The following CRACD variants were observed in gnomAD, a reference collection of about 807,000 sequenced individuals.
CRACD encodes capping protein inhibiting regulator of actin dynamics.
A neutral mutation model predicts 106.8 loss-of-function variants in CRACD; 56 were observed. The ratio of observed to expected loss-of-function variants is 0.52; its 90% CI spans 0.42 to 0.66. The LOEUF is 0.66. Among genes scored for constraint, CRACD ranks in the 30% least tolerant of loss-of-function variants. CRACD has a pLI of 0.00. For synonymous variants in CRACD, 754 were observed against 670.8 expected (o/e 1.12, Z -1.92); for missense variants, 1,730 against 1,623.2 (o/e 1.07, Z -1.13).
intron 2 of CRACD, among the ~76,000 whole-genome samples, chr4:56,248,673 C>T: frequency 6.7e-6 from 1 of 149,984 alleles, no homozygotes; most frequent in Non-Finnish European, 1.5e-5. Flanking sequence ...GCGCTGCACC[C>T]ACTAACTCGT....
At chr4:56,060,683 C>T (rs1427279999) in intron 1 of CRACD, among the ~76,000 whole-genome samples, 1 of 151,994 alleles carries the variant, frequency 6.6e-6, no homozygotes, top group East Asian at 1.9e-4. Flanking sequence ...GTTTTTGTCT[C>T]CCCAAAATTC....
rs1745863426 is a variant in CRACD at position 56,318,928 on chromosome 4, G to A, written c.3187+2239G>A. Among the ~76,000 whole-genome samples, 3 of 152,188 alleles carry A rather than the reference G, an allele frequency of 2.0e-5. No homozygotes were observed. In the South Asian group the frequency reaches 6.2e-4, roughly 31 times the overall value. ...TAAATCTGCAATTGCAAGTCATGGT[G>A]CTATTTTTTATTCTCTTTGGCCAAC... On this transcript the variant is annotated intron_variant, in intron 8 of 10. Transcript: ENST00000682029.
intron 3 of CRACD, chr4:56,298,002 T>C (rs1577875392): frequency 4.3e-6 from 2 of 461,574 alleles, no homozygotes; most frequent in African/African-American, 3.9e-5. Context: ...TCACGGTGAA[T>C]GGCTCTGAAC....
intron 1 of CRACD, among the ~76,000 whole-genome samples, chr4:56,129,694 G>A (rs977953783): frequency 6.6e-6 from 1 of 152,178 alleles, no homozygotes; most frequent in Admixed American, 6.5e-5. Context: ...ACTGTGCCCG[G>A]CACTAGGGAT....
chr4:56,098,523 TGTAAGA>T (rs1733669802), intron 1 of CRACD, among the ~76,000 whole-genome samples: 1 of 152,014 alleles, frequency 6.6e-6, no homozygotes, highest in African/African-American at 2.4e-5. Flanking sequence ...TGATGTACTC[TGTAAGA>T]GTAATTTTAG....
intron 1 of CRACD, among the ~76,000 whole-genome samples, chr4:56,056,841 G>A (rs933440204): frequency 2.0e-5 from 3 of 152,188 alleles, no homozygotes; most frequent in Non-Finnish European, 4.4e-5. Flanking sequence ...AGGAGGCTGA[G>A]GCAGGTGGAT....
chr4:56,067,250 G>T (rs1196928040), intron 1 of CRACD, among the ~76,000 whole-genome samples: 3 of 152,172 alleles, frequency 2.0e-5, no homozygotes, highest in African/African-American at 7.2e-5. Context: ...AAATCCAGAA[G>T]AAGGAGAAGA....
At chr4:56,270,058 T>A (rs2109641300) in intron 2 of CRACD, among the ~76,000 whole-genome samples, 1 of 152,328 alleles carries the variant, frequency 6.6e-6, no homozygotes, top group East Asian at 1.9e-4. Flanking sequence ...CAACGTCGTT[T>A]CAGGGGACCA....
At chr4:56,190,919 G>C (rs1737340873) in intron 2 of CRACD, among the ~76,000 whole-genome samples, 1 of 151,974 alleles carries the variant, frequency 6.6e-6, no homozygotes, top group Non-Finnish European at 1.5e-5. Flanking sequence ...GAACAGCATG[G>C]GGGAAACCAC....
chr4:56,218,544 G>A lies in CRACD; in HGVS notation c.-189+39114G>A, dbSNP rs1037145897. On this transcript the variant is annotated intron_variant, in intron 2 of 10. Transcript: ENST00000682029. ...TCCCTCATTTCCTTCCCTTCTCCCC[G>A]CTTCCCTTGCCTTCTCTTCACTTCT... Among the ~76,000 whole-genome samples, 12 of 97,286 alleles carry A rather than the reference G, an allele frequency of 1.2e-4. No individual in the cohort carries two copies. The South Asian group carries it at 1.3e-3, about 10-fold the overall frequency. 63.8% of individuals were successfully genotyped at this position (97,286 alleles called of 152,430 possible).
intron 2 of CRACD, among the ~76,000 whole-genome samples, chr4:56,189,132 A>T (rs1737240062): frequency 6.6e-6 from 1 of 151,988 alleles, no homozygotes; most frequent in African/African-American, 2.4e-5. Context: ...GCAGTGAGCT[A>T]AGATAATGCC....
At chr4:56,227,866 G>C (rs1032541907) in intron 2 of CRACD, among the ~76,000 whole-genome samples, 4 of 152,162 alleles carry the variant, frequency 2.6e-5, no homozygotes, top group Admixed American at 2.0e-4. Context: ...TCCACCAGTG[G>C]TCTACCTGGT....
chr4:56,272,719 C>T (rs777451), intron 3 of CRACD, among the ~76,000 whole-genome samples: 64,689 of 151,598 alleles, frequency 0.43, 13,937 homozygotes, highest in Middle Eastern at 0.56. Context: ...GGGGAAACCC[C>T]GTTTCTACTA....
intron 2 of CRACD, among the ~76,000 whole-genome samples, chr4:56,193,574 A>C (rs1737474520): frequency 6.6e-6 from 1 of 152,216 alleles, no homozygotes; most frequent in Non-Finnish European, 1.5e-5. Context: ...TTTTCCCTAA[A>C]AGAAAAATGC....
At chr4:56,218,481 C>G (rs1312643784) in intron 2 of CRACD, among the ~76,000 whole-genome samples, 2 of 136,052 alleles carry the variant, frequency 1.5e-5, no homozygotes, top group Admixed American at 7.3e-5. Flanking sequence ...CCTTCCCCTC[C>G]CTTTCCTTCC....
At position 56,327,535 on chromosome 4, in the gene CRACD, A is replaced by G; in HGVS notation, c.3542-109A>G. 3 of 963,564 alleles carry G rather than the reference A, an allele frequency of 3.1e-6. No homozygotes were observed. The South Asian group carries it at 4.8e-5, about 16-fold the overall frequency. 59.7% of individuals were successfully genotyped at this position (963,564 alleles called of 1,614,324 possible). ...TTTCAAAACAATGTTGTACATGACAAATACAGTTTGTCATGATAAATACAT... is the reference window on the plus strand; with the variant it reads ...TTTCAAAACAATGTTGTACATGACAGATACAGTTTGTCATGATAAATACAT... On this transcript the variant is annotated intron_variant, in intron 10 of 10. Coordinates refer to ENST00000682029, the MANE Select transcript of CRACD (RefSeq NM_001393381.1).
chr4:56,257,723 G>T (rs1347890943), intron 2 of CRACD, among the ~76,000 whole-genome samples: 1 of 151,994 alleles, frequency 6.6e-6, no homozygotes, highest in South Asian at 2.1e-4. Flanking sequence ...GATCTTCCAG[G>T]TCTTTTTCTG....
rs1007752472 is a variant in CRACD at position 56,328,801 on chromosome 4, A to G, written c.*997A>G. On this transcript the variant is annotated 3_prime_UTR_variant, in exon 11 of 11. Coordinates refer to ENST00000682029, the MANE Select transcript of CRACD (RefSeq NM_001393381.1). Reference sequence around the variant, plus strand: ...CGAAGGGGAGGCTCATTCACTCAAAAAGCAACAGTGAGACAGGAAAAATAA... The same window carrying G: ...CGAAGGGGAGGCTCATTCACTCAAAGAGCAACAGTGAGACAGGAAAAATAA... Among the ~76,000 whole-genome samples, 1 of 152,178 alleles carries G rather than the reference A, an allele frequency of 6.6e-6. No homozygotes were observed.
intron 1 of CRACD, among the ~76,000 whole-genome samples, chr4:56,114,789 T>C (rs1734226276): frequency 6.6e-6 from 1 of 152,086 alleles, no homozygotes; most frequent in South Asian, 2.1e-4. Context: ...ATTTACATAT[T>C]TATATTTATA....
Sources: allele counts gnomAD v4.1 joint callset (sites outside exome capture counted in the v4.1 genomes callset), GRCh38; gene constraint gnomAD v4.1.1; transcripts MANE v1.5; gene names NCBI Gene and HGNC (gene_info 2026-07-23, HGNC 2026-07-21).